Variants in FBN2 observed in about 807,000 individuals in gnomAD.
The protein encoded by FBN2 is fibrillin-2.
FBN2 carries 105 observed loss-of-function variants against 355.6 expected under a neutral mutation model. The observed-to-expected ratio is 0.30, with a 90% CI of 0.25 to 0.35. FBN2 has a LOEUF of 0.35. FBN2 is among the 10% of genes least tolerant of loss of function. The pLI, the probability that FBN2 is intolerant of heterozygous loss-of-function variation, is 1.00. For synonymous variants in FBN2, 1,350 were observed against 1,301.2 expected (o/e 1.04, Z -0.81); for missense variants, 3,280 against 3,758.7 (o/e 0.87, Z 3.33).
intron 61 of FBN2, among the ~76,000 whole-genome samples, 195 bp from the exon 62 acceptor site, chr5:128,272,313 A>C (rs1300750455): frequency 6.6e-6 from 1 of 152,066 alleles, no homozygotes; most frequent in Non-Finnish European, 1.5e-5. Context: ...TTCTGAGATA[A>C]GAGACCAGCT....
chr5:128,348,223 T>C (rs1033319345), intron 23 of FBN2, among the ~76,000 whole-genome samples: 3 of 152,216 alleles, frequency 2.0e-5, no homozygotes, highest in African/African-American at 4.8e-5. Flanking sequence ...ACTGATATTA[T>C]TATTTTTGAC....
intron 15 of FBN2, among the ~76,000 whole-genome samples, chr5:128,373,784 G>C (rs1752009945): frequency 6.6e-6 from 1 of 152,034 alleles, no homozygotes; most frequent in Non-Finnish European, 1.5e-5. Flanking sequence ...TTCAAAGCTG[G>C]GCCTGGTACT....
chr5:128,479,930 GTCTCTCTCTCTCTCTCTCTCTC>G (rs1180726296), intron 5 of FBN2, among the ~76,000 whole-genome samples: 4 of 58,152 alleles, frequency 6.9e-5, no homozygotes, highest in Non-Finnish European at 1.0e-4. Context: ...TTGTCTCCTT[GTCTCTCTCTCTCTCTCTCTCTC>G]TCTCTCTCTC....
At chr5:128,369,486 G>T in intron 15 of FBN2, 152 bp from the exon 16 acceptor site, 1 of 704,614 alleles carries the variant, frequency 1.4e-6, no homozygotes, top group Non-Finnish European at 2.4e-6. Context: ...ATCTAATAGT[G>T]TTAGGAAATC....
intron 4 of FBN2, among the ~76,000 whole-genome samples, chr5:128,522,965 T>C (rs1756475192): frequency 6.6e-6 from 1 of 152,150 alleles, no homozygotes; most frequent in Non-Finnish European, 1.5e-5. Context: ...ACCAAAATCC[T>C]AGAAGGAGAA....
intron 6 of FBN2, among the ~76,000 whole-genome samples, chr5:128,455,692 G>A (rs1441164794): frequency 6.6e-6 from 1 of 151,664 alleles, no homozygotes; most frequent in African/African-American, 2.4e-5. Flanking sequence ...CCACTTGAGA[G>A]CCACACGGGG....
At chr5:128,400,653 T>G (rs74686520) in intron 8 of FBN2, among the ~76,000 whole-genome samples, 1 of 152,314 alleles carries the variant, frequency 6.6e-6, no homozygotes, top group African/African-American at 2.4e-5. Context: ...TTTCCAAGAA[T>G]TGGTATCAAC....
chr5:128,535,258 A>G (rs963582888), intron 2 of FBN2, among the ~76,000 whole-genome samples: 2 of 152,242 alleles, frequency 1.3e-5, no homozygotes, highest in Non-Finnish European at 2.9e-5. Context: ...TCTTTATGAC[A>G]CTGGAGATTT....
At chr5:128,313,644 C>G (rs907172218) in intron 36 of FBN2, among the ~76,000 whole-genome samples, 2 of 151,718 alleles carry the variant, frequency 1.3e-5, no homozygotes, top group Admixed American at 6.6e-5. Context: ...CAAAACATAT[C>G]TGGAATCGAC....
chr5:128,271,952 A>G (rs916300647), intron 62 of FBN2, 47 bp downstream of exon 62: 2 of 1,608,724 alleles, frequency 1.2e-6, no homozygotes, highest in Non-Finnish European at 1.7e-6. Flanking sequence ...ATTCAGAGAC[A>G]CTTTCAGGTG....
chr5:128,312,331 C>T (rs975066405), intron 37 of FBN2, among the ~76,000 whole-genome samples: 2 of 152,086 alleles, frequency 1.3e-5, no homozygotes, highest in African/African-American at 4.8e-5. Flanking sequence ...ACTAAATAAC[C>T]TTTGAGAAGA....
Position 128,377,732 on chromosome 5 carries a change from G to A in FBN2, c.1849+20C>T, listed in dbSNP as rs1471254160. 2 of 1,612,790 alleles carry A rather than the reference G, an allele frequency of 1.2e-6. No individual in the cohort carries two copies. Among genetic ancestry groups the A allele is most frequent in the Non-Finnish European group, 1.7e-6 (2 of 1,179,150 alleles). ...ATATCCTTTTAAAATCTTTTGCAAG[G>A]GAGCAGGCAATTTCCATACCAACAC... On this transcript the variant is annotated intron_variant, in intron 13 of 64. Transcript: ENST00000262464.
At chr5:128,270,852 T>C (rs975126070) in intron 62 of FBN2, among the ~76,000 whole-genome samples, 2 of 152,246 alleles carry the variant, frequency 1.3e-5, no homozygotes, top group Admixed American at 1.3e-4. Flanking sequence ...ACAGTTTTTT[T>C]CTATGAAGAG....
chr5:128,342,237 G>A (rs1751042931), intron 25 of FBN2, among the ~76,000 whole-genome samples: 1 of 152,118 alleles, frequency 6.6e-6, no homozygotes, highest in South Asian at 2.1e-4. Context: ...AGAAGAATCT[G>A]TAGAGGTTAG....
chr5:128,517,820 C>T (rs1756320557), intron 5 of FBN2, among the ~76,000 whole-genome samples: 1 of 152,098 alleles, frequency 6.6e-6, no homozygotes, highest in South Asian at 2.1e-4. Flanking sequence ...ATTTCATTGA[C>T]ATAATTTCAT....
chr5:128,411,968 A>C (rs1753080819), intron 7 of FBN2, among the ~76,000 whole-genome samples: 1 of 152,218 alleles, frequency 6.6e-6, no homozygotes, highest in Admixed American at 6.5e-5. Context: ...TAAAGCATAT[A>C]TTATCTATGT....
At chr5:128,313,017 A>G (rs1248682289) in intron 36 of FBN2, among the ~76,000 whole-genome samples, 2 of 152,236 alleles carry the variant, frequency 1.3e-5, no homozygotes, top group Non-Finnish European at 2.9e-5. Context: ...AAATCCACAT[A>G]GACCATATTT....
chr5:128,434,394 G>GTGTATATGTATATATATATA (rs377404948), intron 7 of FBN2, among the ~76,000 whole-genome samples: 2 of 91,678 alleles, frequency 2.2e-5, no homozygotes, highest in African/African-American at 1.2e-4. Context: ...AATAAAGTGT[G>GTGTATATGTATATATATATA]TATATATATA....
intron 64 of FBN2, among the ~76,000 whole-genome samples, chr5:128,261,309 A>G (rs1764958290): frequency 6.6e-6 from 1 of 152,268 alleles, no homozygotes; most frequent in Admixed American, 6.5e-5. Context: ...TGAAGGAACA[A>G]CTGTCTTAAA....
Sources: allele counts gnomAD v4.1 joint callset (sites outside exome capture counted in the v4.1 genomes callset), GRCh38; gene constraint gnomAD v4.1.1; transcripts MANE v1.5; gene names NCBI Gene and HGNC (gene_info 2026-07-23, HGNC 2026-07-21).